The following FRMD4A variants were observed in gnomAD, a reference collection of about 807,000 sequenced individuals.
FRMD4A encodes the protein FERM domain containing 4A.
FRMD4A carries 29 observed loss-of-function variants against 129.1 expected under a neutral mutation model. That is an observed-to-expected ratio of 0.22 (90% CI 0.17 to 0.31). The LOEUF (loss-of-function observed/expected upper bound fraction) is 0.31. Among genes scored for constraint, FRMD4A ranks in the 10% least tolerant of loss-of-function variants. The pLI, the probability that FRMD4A is intolerant of heterozygous loss-of-function variation, is 1.00. For synonymous variants in FRMD4A, 634 were observed against 571.6 expected, an observed-to-expected ratio of 1.11 and a Z score of -1.56; for missense variants, 1,272 against 1,375.8, an observed-to-expected ratio of 0.92 and a Z score of 1.19.
chr10:14,327,823 C>G (rs1394086242), intron 2 of FRMD4A, among the ~76,000 whole-genome samples: 1 of 152,200 alleles, frequency 6.6e-6, no homozygotes, highest in Non-Finnish European at 1.5e-5. Context: ...GGCTACTTTC[C>G]TCAGTGAGCA....
Position 13,657,315 on chromosome 10 carries a change from G to C in FRMD4A, c.2274C>G (p.His758Gln). Residue 758 changes from histidine (H) to glutamine (Q), a missense_variant, in exon 22 of 25, where the codon CAC (histidine) becomes CAG (glutamine). Coordinates refer to ENST00000357447, the MANE Select transcript of FRMD4A (RefSeq NM_018027.5). ...SSCTSHSSSEHYYPAQMNANY... is the reference protein window; with the variant it reads ...SSCTSHSSSEQYYPAQMNANY... Reference sequence around the variant, plus strand: ...TGGCGTTCATCTGCGCCGGGTAGTAGTGCTCCGAGCTCGAGTGGCTGGTGC... The same window carrying C: ...TGGCGTTCATCTGCGCCGGGTAGTACTGCTCCGAGCTCGAGTGGCTGGTGC... 1 of 1,611,720 alleles carries C rather than the reference G, an allele frequency of 6.2e-7. No individual in the cohort carries two copies. The highest frequency in any genetic ancestry group is 1.1e-5 in the South Asian group (1 of 90,998).
At chr10:13,842,829 T>TA (rs532262814) in intron 3 of FRMD4A, among the ~76,000 whole-genome samples, 1 of 152,192 alleles carries the variant, frequency 6.6e-6, no homozygotes, top group African/African-American at 2.4e-5. Context: ...ACCCTGCCTC[T>TA]AAAAAAAATA....
At chr10:13,678,880 C>T (rs1359128525) in intron 15 of FRMD4A, among the ~76,000 whole-genome samples, 1 of 152,094 alleles carries the variant, frequency 6.6e-6, no homozygotes, top group African/African-American at 2.4e-5. Flanking sequence ...ATCCATTATC[C>T]AAACATTGAT....
At chr10:13,656,613 T>G (rs746943117) in intron 22 of FRMD4A, 23 bp downstream of exon 22, 1 of 1,380,342 alleles carries the variant, frequency 7.2e-7, no homozygotes, top group Non-Finnish European at 9.4e-7. Context: ...TCTTCCCGCG[T>G]GCACCTGGCC....
intron 2 of FRMD4A, among the ~76,000 whole-genome samples, chr10:14,009,238 C>T (rs918562102): frequency 3.9e-5 from 6 of 152,132 alleles, no homozygotes; most frequent in African/African-American, 2.4e-5. Context: ...CTGAAATCGG[C>T]TTATTTCCAT....
rs911129659 is a variant in FRMD4A, at chr10:13,646,096, G to A, written c.*942C>T. 2 of 152,656 alleles carry A rather than the reference G, an allele frequency of 1.3e-5. No homozygotes were observed. The highest frequency in any genetic ancestry group is 1.9e-4 in the East Asian group (1 of 5,164). 9.5% of individuals were successfully genotyped at this position (152,656 alleles called of 1,614,324 possible). On this transcript the variant is annotated 3_prime_UTR_variant, in exon 25 of 25. Coordinates refer to ENST00000357447, the MANE Select transcript of FRMD4A (RefSeq NM_018027.5). ...TTGTGTCCAGATGGATGGCGACTGT[G>A]AGTCAGCAACGCCAGCCAAGACTTC...
rs367843828 is a variant in FRMD4A at position 13,819,758 on chromosome 10, C to T, written c.112-8850G>A. ...GAGTGCGGGCTGGAGTACAGTGGCA[C>T]GATCTCAGGCTGGAGTGCAGTGGCA... On this transcript the variant is annotated intron_variant, in intron 3 of 24. Transcript: ENST00000357447. Among the ~76,000 whole-genome samples, 48 of 148,730 alleles carry T rather than the reference C, an allele frequency of 3.2e-4. 1 individual carries two copies. The highest frequency in any genetic ancestry group is 1.1e-3 in the South Asian group (5 of 4,720).
At chr10:13,718,258 A>G (rs1442736316) in intron 12 of FRMD4A, among the ~76,000 whole-genome samples, 2 of 152,242 alleles carry the variant, frequency 1.3e-5, no homozygotes, top group African/African-American at 4.8e-5. Flanking sequence ...AGCAGGCATC[A>G]GGCCAGGGGT....
At chr10:13,941,715 C>T (rs1352235710) in intron 2 of FRMD4A, among the ~76,000 whole-genome samples, 2 of 152,172 alleles carry the variant, frequency 1.3e-5, no homozygotes, top group Admixed American at 6.5e-5. Flanking sequence ...TTTCAACAGT[C>T]TACAGGACAC....
intron 2 of FRMD4A, among the ~76,000 whole-genome samples, chr10:13,927,623 T>C (rs1281451022): frequency 1.3e-5 from 2 of 152,248 alleles, no homozygotes; most frequent in Admixed American, 1.3e-4. Context: ...AACGAGAGTC[T>C]AGTTATTTCC....
chr10:13,673,299 G>A (rs1348788617), intron 16 of FRMD4A, among the ~76,000 whole-genome samples: 1 of 152,200 alleles, frequency 6.6e-6, no homozygotes, highest in Non-Finnish European at 1.5e-5. Flanking sequence ...GCTTTGAGCT[G>A]GCTCCGGTTT....
intron 2 of FRMD4A, among the ~76,000 whole-genome samples, chr10:14,027,044 T>C (rs2131655874): frequency 6.6e-6 from 1 of 152,368 alleles, no homozygotes; most frequent in Non-Finnish European, 1.5e-5. Context: ...TGCATCATAA[T>C]CACATCATGG....
chr10:14,321,701 G>A (rs1843060008), intron 2 of FRMD4A, among the ~76,000 whole-genome samples: 1 of 152,156 alleles, frequency 6.6e-6, no homozygotes, highest in African/African-American at 2.4e-5. Context: ...AAGTACAGAA[G>A]ACAGGCAACA....
chr10:13,937,135 G>T (rs948149931), intron 2 of FRMD4A, among the ~76,000 whole-genome samples: 1 of 152,134 alleles, frequency 6.6e-6, no homozygotes, highest in Admixed American at 6.5e-5. Context: ...ACCTTTTGTT[G>T]GGCAATCCCC....
intron 2 of FRMD4A, among the ~76,000 whole-genome samples, chr10:14,070,465 T>C (rs1272092651): frequency 6.6e-6 from 1 of 152,100 alleles, no homozygotes; most frequent in Admixed American, 6.5e-5. Flanking sequence ...AGTCAGCCCA[T>C]TGGAAAATAA....
intron 3 of FRMD4A, among the ~76,000 whole-genome samples, chr10:13,833,704 C>T (rs1416257115): frequency 6.6e-6 from 1 of 151,988 alleles, no homozygotes. Flanking sequence ...TAGAACAATG[C>T]CTAGCATCTC....
chr10:14,005,560 T>C (rs1322595807), intron 2 of FRMD4A, among the ~76,000 whole-genome samples: 1 of 152,226 alleles, frequency 6.6e-6, no homozygotes. Flanking sequence ...GGAAATCATG[T>C]TCTTCTCTTT....
Position 14,049,640 on chromosome 10 carries a change from C to T in FRMD4A, c.46-190728G>A, listed in dbSNP as rs1430280083. Among the ~76,000 whole-genome samples, 12 of 152,058 alleles carry T rather than the reference C, an allele frequency of 7.9e-5. No individual in the cohort carries two copies. The South Asian group carries it at 8.3e-4, about 11-fold the overall frequency. Reference sequence around the variant, plus strand: ...AAAGATTTGATTAAAATGAGGAAAACGGTCAGGAGTTTGAGACCAGCCTGG... The same window carrying T: ...AAAGATTTGATTAAAATGAGGAAAATGGTCAGGAGTTTGAGACCAGCCTGG... On this transcript the variant is annotated intron_variant, in intron 2 of 24. Coordinates refer to ENST00000357447, the MANE Select transcript of FRMD4A (RefSeq NM_018027.5).
At chr10:13,884,186 A>ACTCACACACACT (rs1554956520) in intron 2 of FRMD4A, among the ~76,000 whole-genome samples, 1 of 109,598 alleles carries the variant, frequency 9.1e-6, no homozygotes, top group East Asian at 2.9e-4. Flanking sequence ...TCACACACAC[A>ACTCACACACACT]CACACACACT....
Sources: allele counts gnomAD v4.1 joint callset (sites outside exome capture counted in the v4.1 genomes callset), GRCh38; gene constraint gnomAD v4.1.1; transcripts MANE v1.5; gene names NCBI Gene and HGNC (gene_info 2026-07-23, HGNC 2026-07-21).